The following ZNF549 variants were observed in gnomAD, a reference collection of about 807,000 sequenced individuals.
ZNF549 encodes the protein zinc finger protein 549.
Under a neutral mutation model 11.1 loss-of-function variants are expected in ZNF549, and 11 were observed. The observed-to-expected ratio is 0.99, with a 90% CI of 0.62 to 1.64. The LOEUF is 1.64. Ranked by LOEUF, ZNF549 falls within the 40% of genes most tolerant of loss-of-function variation. The pLI is 0.00. For synonymous variants in ZNF549, 266 were observed against 269.1 expected (o/e 0.99, Z 0.11); for missense variants, 748 against 765.1 (o/e 0.98, Z 0.26).
intron 1 of ZNF549, among the ~76,000 whole-genome samples, chr19:57,528,471 T>C (rs2089889339): frequency 6.6e-6 from 1 of 152,182 alleles, no homozygotes; most frequent in Admixed American, 6.5e-5. Flanking sequence ...GCCTTAAATT[T>C]AGACGGGAAA....
intron 3 of ZNF549, among the ~76,000 whole-genome samples, chr19:57,536,681 AC>A (rs1164119943): frequency 6.6e-6 from 1 of 152,022 alleles, no homozygotes; most frequent in Non-Finnish European, 1.5e-5. Context: ...CCACCATAGT[AC>A]CCCATTCCTT....
intron 2 of ZNF549, among the ~76,000 whole-genome samples, chr19:57,531,880 A>G (rs1214417068): frequency 6.6e-6 from 1 of 152,198 alleles, no homozygotes; most frequent in African/African-American, 2.4e-5. Flanking sequence ...TATCCATGTA[A>G]TATTTTCAGA....
chr19:57,531,157 A>G (rs1248647688), intron 2 of ZNF549, 49 bp downstream of exon 2: 4 of 1,587,054 alleles, frequency 2.5e-6, no homozygotes, highest in Non-Finnish European at 3.4e-6. Context: ...CCCTAAAGCC[A>G]TGGGTCTGGC....
intron 2 of ZNF549, among the ~76,000 whole-genome samples, chr19:57,532,022 G>A (rs80261608): frequency 3.3e-5 from 5 of 152,130 alleles, no homozygotes; most frequent in African/African-American, 1.2e-4. Context: ...CAAATTCTAA[G>A]TTGTGTTTTC....
chr19:57,535,803 C>G (rs2089922147), intron 3 of ZNF549, among the ~76,000 whole-genome samples: 1 of 152,070 alleles, frequency 6.6e-6, no homozygotes, highest in Non-Finnish European at 1.5e-5. Context: ...TTTCTTCTAC[C>G]TTCCAGGACC....
At chr19:57,532,453 G>A (rs1037326698) in intron 2 of ZNF549, among the ~76,000 whole-genome samples, 10 of 152,218 alleles carry the variant, frequency 6.6e-5, no homozygotes, top group South Asian at 2.1e-4. Flanking sequence ...GCAAGGACCT[G>A]TGGGCAGGTG....
chr19:57,540,326 G>C lies in ZNF549; in HGVS notation c.*1399G>C, dbSNP rs2089949909. On this transcript the variant is annotated 3_prime_UTR_variant, in exon 4 of 4. Coordinates refer to ENST00000376233, the MANE Select transcript of ZNF549 (RefSeq NM_001199295.2). ...AGAGGTAGATGCATATTTTTGTGTG[G>C]AACCATTTATCTTAAAACATTGAGG... 1.3e-5 allele frequency: 2 copies of C among 152,198 alleles called. No individual in the cohort carries two copies. Among genetic ancestry groups the C allele is most frequent in the Admixed American group, 6.5e-5 (1 of 15,276 alleles). The allele number at this position is 152,198 out of a possible 1,614,324, so 9.4% of individuals were successfully genotyped here. A position where few individuals can be genotyped will look rare whatever the true frequency, so the allele number is the denominator to read the frequency against.
Position 57,537,962 on chromosome 19 carries a change from G to A in ZNF549, c.958G>A (p.Val320Met), listed in dbSNP as rs1449531249. 2 of 1,614,034 alleles carry A rather than the reference G, an allele frequency of 1.2e-6. No homozygotes were observed. Among genetic ancestry groups the A allele is most frequent in the South Asian group, 1.1e-5 (1 of 91,064 alleles). ...ATCCTTGAGCTCCAAATACTCACTT[G>A]TGGAACACCAGAGAACCCATAATGG... ...GKSLSSKYSL[V>M]EHQRTHNGEK... Residue 320 changes from valine to methionine, a missense_variant, in exon 4 of 4, where the codon GTG becomes ATG. By Grantham distance (21) the Val-to-Met change is conservative. Transcript: ENST00000376233.
Position 57,539,044 on chromosome 19 carries a change from A to G in ZNF549, c.*117A>G. On this transcript the variant is annotated 3_prime_UTR_variant, in exon 4 of 4. Coordinates refer to ENST00000376233, the MANE Select transcript of ZNF549 (RefSeq NM_001199295.2). ...ACATCTGCATATCACTAGTTGAAAG[A>G]TTCACTACAAGGTCCAAGTACTTGG... 8.3e-7 allele frequency: 1 copy of G among 1,199,512 alleles called. No individual in the cohort carries two copies. Among genetic ancestry groups the G allele is most frequent in the East Asian group, 2.4e-5 (1 of 41,594 alleles). 74.3% of individuals were successfully genotyped at this position (1,199,512 alleles called of 1,614,324 possible). A position where few individuals can be genotyped will look rare whatever the true frequency, so the allele number is the denominator to read the frequency against.
At position 57,537,866 on chromosome 19, in the gene ZNF549, C is replaced by G; in HGVS notation, c.862C>G (p.Gln288Glu). The change falls in exon 4 of 4, where the codon CAA becomes GAA. Residue 288 changes from glutamine to glutamate, a missense_variant. Coordinates refer to ENST00000376233, the MANE Select transcript of ZNF549 (RefSeq NM_001199295.2). ...NICGKSFLHK[Q>E]TLVGHQQRIH... Reference sequence around the variant, plus strand: ...ATGTGGGAAATCATTCCTCCATAAACAAACACTCGTTGGGCACCAGCAGAG... The same window carrying G: ...ATGTGGGAAATCATTCCTCCATAAAGAAACACTCGTTGGGCACCAGCAGAG... 1 of 1,613,556 alleles carries G rather than the reference C, an allele frequency of 6.2e-7. No homozygotes were observed. The highest frequency in any genetic ancestry group is 1.1e-5 in the South Asian group (1 of 91,018).
rs1235965960 is a variant in ZNF549, at chr19:57,539,058, C to G, written c.*131C>G. The stretch of plus-strand genomic sequence containing the variant: ...CTAGTTGAAAGATTCACTACAAGGT[C>G]CAAGTACTTGGGAAGCTTTCTAGAG... On this transcript the variant is annotated 3_prime_UTR_variant, in exon 4 of 4. Coordinates refer to ENST00000376233, the MANE Select transcript of ZNF549 (RefSeq NM_001199295.2). 3.7e-6 allele frequency: 4 copies of G among 1,086,238 alleles called. No individual in the cohort carries two copies. The East Asian group carries it at 1.0e-4, about 27-fold the overall frequency. The allele number at this position is 1,086,238 out of a possible 1,614,324, so 67.3% of individuals were successfully genotyped here. A position where few individuals can be genotyped will look rare whatever the true frequency, so the allele number is the denominator to read the frequency against.
chr19:57,529,833 C>T (rs1249598747), intron 1 of ZNF549, among the ~76,000 whole-genome samples: 3 of 152,078 alleles, frequency 2.0e-5, no homozygotes, highest in Non-Finnish European at 4.4e-5. Context: ...TTGCAGTGAG[C>T]CGAGATTGCA....
intron 1 of ZNF549, among the ~76,000 whole-genome samples, chr19:57,528,016 GA>G (rs376270253): frequency 1.7e-4 from 26 of 152,288 alleles, no homozygotes; most frequent in African/African-American, 6.0e-4. Flanking sequence ...AATGAGTGGA[GA>G]AAACAGACTG....
intron 3 of ZNF549, among the ~76,000 whole-genome samples, 179 bp from the exon 4 acceptor site, chr19:57,537,024 AG>A (rs1344656507): frequency 1.3e-5 from 2 of 152,132 alleles, no homozygotes; most frequent in Non-Finnish European, 2.9e-5. Context: ...GGAGCTTGGA[AG>A]GTCAAGGCTG....
At position 57,540,420 on chromosome 19, in the gene ZNF549, G is replaced by A. The variant is rs187036559; in HGVS notation, c.*1493G>A. On this transcript the variant is annotated 3_prime_UTR_variant, in exon 4 of 4. Coordinates refer to ENST00000376233, the MANE Select transcript of ZNF549 (RefSeq NM_001199295.2). ...CTGTATGGTTTATTGCCCAGTTAATGGGTTTTGATAGTCATGTTATCTCAG... is the reference window on the plus strand; with the variant it reads ...CTGTATGGTTTATTGCCCAGTTAATAGGTTTTGATAGTCATGTTATCTCAG... 2 of 152,316 alleles carry A rather than the reference G, an allele frequency of 1.3e-5. No individual in the cohort carries two copies. Among genetic ancestry groups the A allele is most frequent in the East Asian group, 1.9e-4 (1 of 5,184 alleles). 9.4% of individuals were successfully genotyped at this position (152,316 alleles called of 1,614,324 possible).
intron 3 of ZNF549, among the ~76,000 whole-genome samples, chr19:57,536,696 C>A (rs1388056886): frequency 6.6e-6 from 1 of 152,158 alleles, no homozygotes; most frequent in Non-Finnish European, 1.5e-5. Flanking sequence ...ATTCCTTGTT[C>A]TCTTGCTGGT....
At position 57,531,254 on chromosome 19, in the gene ZNF549, T is replaced by G. The variant is rs369907294; in HGVS notation, c.72+146T>G. On this transcript the variant is annotated intron_variant, in intron 2 of 3. Transcript: ENST00000376233. ...GCCACCTCAGGCCCAGGATGATTAA[T>G]CAGGGTCAGGAGTTATACAGAGATG... 13 of 758,544 alleles carry G rather than the reference T, an allele frequency of 1.7e-5. 1 individual carries two copies. The highest frequency in any genetic ancestry group is 1.0e-4 in the African/African-American group (6 of 57,512). The allele number at this position is 758,544 out of a possible 1,614,324, so 47.0% of individuals were successfully genotyped here.
chr19:57,536,964 T>C (rs1323825825), intron 3 of ZNF549, among the ~76,000 whole-genome samples: 5 of 152,184 alleles, frequency 3.3e-5, no homozygotes, highest in African/African-American at 9.6e-5. Context: ...GGTATGGTGG[T>C]ATATGCCTGT....
At position 57,531,075 on chromosome 19, in the gene ZNF549, C is replaced by T. The variant is rs1365357636; in HGVS notation, c.39C>T (p.Pro13=). The T allele has an allele frequency of 6.3e-7, 1 of 1,598,330 alleles. No individual in the cohort carries two copies. Among genetic ancestry groups the T allele is most frequent in the Admixed American group, 1.7e-5 (1 of 60,016 alleles). The change falls in exon 2 of 4, where the codon CCC becomes CCT. Residue 13 remains proline, a synonymous_variant. Coordinates refer to ENST00000376233, the MANE Select transcript of ZNF549 (RefSeq NM_001199295.2). ...TAGCCTCCCTCTTCCTACAGATTCCCATGGTAACAGAAGAGTTTGTGAAAC... is the reference window on the plus strand; with the variant it reads ...TAGCCTCCCTCTTCCTACAGATTCCTATGGTAACAGAAGAGTTTGTGAAAC... ...EAALVITPQI[P]MVTEEFVKPS...
Sources: gnomAD v4.1 joint callset for allele counts (sites outside exome capture counted in the v4.1 genomes callset) on GRCh38, gnomAD v4.1.1 for gene constraint, MANE v1.5 for transcripts, NCBI Gene and HGNC (gene_info 2026-07-23, HGNC 2026-07-21) for gene names.